SAMTOR: variants seen among roughly 807,000 people sequenced by gnomAD.
SAMTOR encodes the protein UPF0532 protein C7orf60.
the SAMTOR span, among the ~76,000 whole-genome samples, chr7:112,912,953 G>A: frequency 3.3e-5 from 5 of 152,130 alleles, no homozygotes; most frequent in East Asian, 1.9e-4. Context: ...CCTGCCTGCT[G>A]TACTGTAATA....
the SAMTOR span, among the ~76,000 whole-genome samples, chr7:112,918,306 G>T: frequency 1.3e-5 from 2 of 152,214 alleles, no homozygotes; most frequent in African/African-American, 4.8e-5. Context: ...CATTCTTAAA[G>T]AAAAGAATTT....
chr7:112,887,743 A>G, the SAMTOR span, among the ~76,000 whole-genome samples: 30 of 152,218 alleles, frequency 2.0e-4, no homozygotes, highest in Admixed American at 1.6e-3. Flanking sequence ...ATTGTTCATA[A>G]TATTCCTTTT....
the SAMTOR span, chr7:112,935,205 CAA>C: frequency 2.0e-5 from 9 of 440,678 alleles, no homozygotes; most frequent in African/African-American, 4.1e-5. Flanking sequence ...AGAATCTGTT[CAA>C]AGTTTCTTAA....
the SAMTOR span, among the ~76,000 whole-genome samples, chr7:112,849,362 GCTCT>G: frequency 6.6e-6 from 1 of 152,088 alleles, no homozygotes; most frequent in African/African-American, 2.4e-5. Context: ...AATCAACAGA[GCTCT>G]CTCTATCTTT....
chr7:112,837,322 CT>C, the SAMTOR span, among the ~76,000 whole-genome samples: 1 of 151,900 alleles, frequency 6.6e-6, no homozygotes, highest in Non-Finnish European at 1.5e-5. Context: ...ATCATCAGAT[CT>C]GGGAGCTTTT....
At chr7:112,870,288 A>G in the SAMTOR span, among the ~76,000 whole-genome samples, 1 of 152,298 alleles carries the variant, frequency 6.6e-6, no homozygotes, top group South Asian at 2.1e-4. Flanking sequence ...AAAATCTCAA[A>G]GATTACCTAT....
At chr7:112,892,206 A>G in the SAMTOR span, among the ~76,000 whole-genome samples, 1 of 152,218 alleles carries the variant, frequency 6.6e-6, no homozygotes, top group Non-Finnish European at 1.5e-5. Context: ...TTTTATCATG[A>G]AATTGCAGCA....
the SAMTOR span, among the ~76,000 whole-genome samples, chr7:112,890,013 T>C: frequency 6.6e-6 from 1 of 152,104 alleles, no homozygotes; most frequent in South Asian, 2.1e-4. Context: ...GTAGTTGTGG[T>C]TGGGTTGAGC....
the SAMTOR span, among the ~76,000 whole-genome samples, chr7:112,907,730 T>A: frequency 6.6e-6 from 1 of 151,892 alleles, no homozygotes; most frequent in Non-Finnish European, 1.5e-5. Flanking sequence ...ATAAGAGAAA[T>A]GTAAAATAAA....
chr7:112,846,746 G>GAA, the SAMTOR span, among the ~76,000 whole-genome samples: 1 of 152,172 alleles, frequency 6.6e-6, no homozygotes, highest in Middle Eastern at 3.4e-3. Context: ...CTCACTTCTG[G>GAA]TTCCATATTC....
the SAMTOR span, among the ~76,000 whole-genome samples, chr7:112,865,686 A>ATTT: frequency 0.59 from 27,717 of 46,768 alleles, 8,108 homozygotes; most frequent in African/African-American, 0.7. Flanking sequence ...ATTCATATAT[A>ATTT]TTTCATATAT....
At chr7:112,825,432 A>G in the SAMTOR span, among the ~76,000 whole-genome samples, 4 of 152,320 alleles carry the variant, frequency 2.6e-5, no homozygotes, top group South Asian at 8.3e-4. Flanking sequence ...CATATAAAAT[A>G]AACATTTCAT....
chr7:112,922,725 G>A, the SAMTOR span, among the ~76,000 whole-genome samples: 11 of 150,410 alleles, frequency 7.3e-5, no homozygotes, highest in East Asian at 1.6e-3. Context: ...CCCGGCAGCC[G>A]CCCTGTCTGA....
At chr7:112,915,377 T>C in the SAMTOR span, 1 of 1,613,720 alleles carries the variant, frequency 6.2e-7, no homozygotes, top group South Asian at 1.1e-5. Flanking sequence ...AATTTTTCAT[T>C]GCAACGGCAT....
the SAMTOR span, among the ~76,000 whole-genome samples, chr7:112,847,765 T>TC: frequency 2.6e-5 from 4 of 151,598 alleles, no homozygotes; most frequent in Non-Finnish European, 5.9e-5. Context: ...GGAACAAGAG[T>TC]GAAACTCTGT....
At chr7:112,877,265 T>C in the SAMTOR span, among the ~76,000 whole-genome samples, 6 of 152,178 alleles carry the variant, frequency 3.9e-5, no homozygotes, top group African/African-American at 1.4e-4. Context: ...TTACAATGTG[T>C]TCTAACAGGA....
the SAMTOR span, among the ~76,000 whole-genome samples, chr7:112,842,525 A>G: frequency 1.2e-3 from 178 of 152,118 alleles, no homozygotes; most frequent in Non-Finnish European, 2.0e-3. Flanking sequence ...AGATTTATCC[A>G]TCATTTTAAA....
chr7:112,887,648 A>G, the SAMTOR span, among the ~76,000 whole-genome samples: 7 of 152,332 alleles, frequency 4.6e-5, no homozygotes, highest in East Asian at 1.9e-4. Context: ...CATATTATCT[A>G]TATCTCCTTG....
the SAMTOR span, among the ~76,000 whole-genome samples, chr7:112,867,882 T>C: frequency 6.6e-6 from 1 of 152,218 alleles, no homozygotes; most frequent in African/African-American, 2.4e-5. Context: ...GGAACCGGGC[T>C]GCATAGCAGG....
Sources: allele counts gnomAD v4.1 joint callset (sites outside exome capture counted in the v4.1 genomes callset), GRCh38; gene constraint gnomAD v4.1.1; transcripts MANE v1.5; gene names NCBI Gene and HGNC (gene_info 2026-07-23, HGNC 2026-07-21).